Variants in IL1RAPL1 observed in about 807,000 individuals in gnomAD.
IL1RAPL1 encodes interleukin-1 receptor accessory protein-like 1.
IL1RAPL1 carries 3 observed loss-of-function variants against 48.4 expected under a neutral mutation model. That is an observed-to-expected ratio of 0.06 (90% CI 0.03 to 0.16). The LOEUF is 0.16. Ranked by LOEUF, IL1RAPL1 falls within the 10% of genes least tolerant of loss-of-function variation. The probability of loss-of-function intolerance (pLI) is 1.00; values close to 1 mark genes in which losing one functional copy is unlikely to be tolerated. For missense variants in IL1RAPL1, 349 were observed against 530.6 expected (o/e 0.66, Z 3.36); for synonymous variants, 185 against 187.7 (o/e 0.99, Z 0.12).
At chrX:29,630,570 G>A (rs1322694402) in intron 5 of IL1RAPL1, among the ~76,000 whole-genome samples, 1 of 99,663 alleles carries the variant, frequency 1.0e-5, no homozygotes, top group African/African-American at 3.7e-5. Flanking sequence ...ACAGAGTCTT[G>A]CTGTGTCACC....
intron 2 of IL1RAPL1, among the ~76,000 whole-genome samples, chrX:29,160,392 T>C (rs1042254567): frequency 2.7e-5 from 3 of 111,893 alleles, no homozygotes; most frequent in Admixed American, 9.6e-5. Flanking sequence ...TATTTTTATT[T>C]AATTTTACTG....
intron 1 of IL1RAPL1, among the ~76,000 whole-genome samples, chrX:28,624,537 G>C (rs1934317653): frequency 9.0e-6 from 1 of 111,356 alleles, no homozygotes; most frequent in Admixed American, 9.6e-5. Flanking sequence ...TGTTGGTCAC[G>C]GCCTTTTCTT....
At chrX:29,885,037 C>T (rs1287720090) in intron 6 of IL1RAPL1, among the ~76,000 whole-genome samples, 1 of 106,049 alleles carries the variant, frequency 9.4e-6, no homozygotes, top group Non-Finnish European at 1.9e-5. Flanking sequence ...GTGAATTCTT[C>T]ATCCCCCCGT....
At chrX:29,127,525 C>T (rs571606584) in intron 2 of IL1RAPL1, among the ~76,000 whole-genome samples, 2 of 111,975 alleles carry the variant, frequency 1.8e-5, no homozygotes, top group Middle Eastern at 9.2e-3. Flanking sequence ...CTTTGCACAC[C>T]AATCTCTGTG....
chrX:28,895,208 C>T (rs961709113), intron 2 of IL1RAPL1, among the ~76,000 whole-genome samples: 10 of 110,689 alleles, frequency 9.0e-5, no homozygotes, highest in African/African-American at 3.0e-4. Context: ...GTTGATAAGG[C>T]GCAGATCTTG....
At chrX:28,831,643 T>C (rs1207245619) in intron 2 of IL1RAPL1, among the ~76,000 whole-genome samples, 1 of 111,045 alleles carries the variant, frequency 9.0e-6, no homozygotes, top group Non-Finnish European at 1.9e-5. Flanking sequence ...GTGTTTGTTA[T>C]TTTTACTAAA....
intron 6 of IL1RAPL1, among the ~76,000 whole-genome samples, chrX:29,755,556 G>A (rs774026803): frequency 1.3e-4 from 15 of 111,781 alleles, no homozygotes; most frequent in Non-Finnish European, 2.6e-4. Context: ...TTTCTCTCCC[G>A]TCAATACTTT....
At chrX:29,651,368 C>G (rs1315214379) in intron 5 of IL1RAPL1, among the ~76,000 whole-genome samples, 1 of 110,974 alleles carries the variant, frequency 9.0e-6, no homozygotes, top group Non-Finnish European at 1.9e-5. Flanking sequence ...TGGAATCAAC[C>G]TAAGCATCCA....
intron 5 of IL1RAPL1, among the ~76,000 whole-genome samples, chrX:29,636,931 G>A (rs1331523214): frequency 9.1e-6 from 1 of 109,585 alleles, no homozygotes; most frequent in East Asian, 2.9e-4. Flanking sequence ...GCACATGCCT[G>A]TAATACAGCT....
chrX:29,494,455 C>A (rs752390829), intron 5 of IL1RAPL1, among the ~76,000 whole-genome samples: 17 of 111,692 alleles, frequency 1.5e-4, no homozygotes, highest in Non-Finnish European at 3.2e-4. Context: ...TAGATGGTTT[C>A]TTTTGAAATG....
intron 5 of IL1RAPL1, among the ~76,000 whole-genome samples, chrX:29,613,173 G>T (rs899779158): frequency 8.9e-6 from 1 of 112,286 alleles, no homozygotes; most frequent in African/African-American, 3.2e-5. Context: ...TAAAAATCAC[G>T]TACTAAGAAA....
Position 29,334,684 on chromosome X carries a change from C to T in IL1RAPL1, c.362+51467C>T, listed in dbSNP as rs1201864108. Among the ~76,000 whole-genome samples, 14 of 111,058 alleles carry T rather than the reference C, an allele frequency of 1.3e-4. No individual in the cohort carries two copies. The South Asian group carries it at 1.5e-3, about 12-fold the overall frequency. ...GCTCCTCACATCCCAGACAGGGCGGCGGGGCAGAGGTGCTCCCCACATCTC... is the reference window on the plus strand; with the variant it reads ...GCTCCTCACATCCCAGACAGGGCGGTGGGGCAGAGGTGCTCCCCACATCTC... On this transcript the variant is annotated intron_variant, in intron 3 of 10. Coordinates refer to ENST00000378993, the MANE Select transcript of IL1RAPL1 (RefSeq NM_014271.4).
intron 6 of IL1RAPL1, among the ~76,000 whole-genome samples, chrX:29,842,797 C>T (rs916629195): frequency 4.5e-5 from 5 of 111,725 alleles, no homozygotes; most frequent in African/African-American, 6.5e-5. Context: ...CTTTCAAAGA[C>T]GACATTTCAG....
intron 5 of IL1RAPL1, among the ~76,000 whole-genome samples, chrX:29,461,305 A>G (rs781285894): frequency 8.9e-6 from 1 of 112,086 alleles, no homozygotes; most frequent in East Asian, 2.8e-4. Context: ...AGGTAGAGAA[A>G]CTAAAGTTGT....
chrX:28,823,581 A>C (rs927607874), intron 2 of IL1RAPL1, among the ~76,000 whole-genome samples: 1 of 111,617 alleles, frequency 9.0e-6, no homozygotes, highest in Admixed American at 9.6e-5. Context: ...ATTGTCCTAG[A>C]TTTCTAGAGG....
chrX:29,897,711 C>T (rs772734877), intron 6 of IL1RAPL1, among the ~76,000 whole-genome samples: 2 of 111,378 alleles, frequency 1.8e-5, no homozygotes, highest in South Asian at 7.4e-4. Flanking sequence ...TCTTCTAATA[C>T]TTGCTTATGT....
intron 3 of IL1RAPL1, among the ~76,000 whole-genome samples, chrX:29,374,163 G>C (rs753694555): frequency 1.4e-4 from 15 of 105,648 alleles, no homozygotes; most frequent in South Asian, 4.3e-4. Context: ...ATGAGTTAGG[G>C]AGGGGACCTT....
intron 8 of IL1RAPL1, among the ~76,000 whole-genome samples, chrX:29,935,204 T>C (rs775226999): frequency 5.4e-5 from 6 of 110,854 alleles, no homozygotes; most frequent in Non-Finnish European, 9.5e-5. Context: ...TGTCCCGTTA[T>C]TGGTGATGTT....
chrX:28,806,511 G>T (rs1034172362), intron 2 of IL1RAPL1, among the ~76,000 whole-genome samples: 11 of 111,701 alleles, frequency 9.8e-5, no homozygotes, highest in African/African-American at 3.2e-4. Flanking sequence ...AAGGAGTAAG[G>T]CATTAGCCAA....
Sources: allele counts gnomAD v4.1 joint callset (sites outside exome capture counted in the v4.1 genomes callset), GRCh38; gene constraint gnomAD v4.1.1; transcripts MANE v1.5; gene names NCBI Gene and HGNC (gene_info 2026-07-23, HGNC 2026-07-21).